Variants in CUL3 observed in about 807,000 individuals in gnomAD.
CUL3 encodes the protein cullin-3.
Under a neutral mutation model 89.1 loss-of-function variants are expected in CUL3, and 19 were observed. The ratio of observed to expected loss-of-function variants is 0.21; its 90% confidence interval spans 0.15 to 0.31. The LOEUF is 0.31. Ranked by LOEUF, CUL3 falls within the 10% of genes least tolerant of loss-of-function variation. CUL3 has a pLI of 1.00. For synonymous variants in CUL3, 351 were observed against 308.4 expected (o/e 1.14, Z -1.45); for missense variants, 469 against 942.3 (o/e 0.50, Z 6.58).
chr2:224,524,767 A>C (rs1315477414), intron 3 of CUL3, among the ~76,000 whole-genome samples: 1 of 152,148 alleles, frequency 6.6e-6, no homozygotes, highest in Non-Finnish European at 1.5e-5. Flanking sequence ...ATTTTAAAAC[A>C]CCATGCTTGC....
chr2:224,527,086 T>TA, intron 3 of CUL3, among the ~76,000 whole-genome samples: 1 of 152,188 alleles, frequency 6.6e-6, no homozygotes, highest in Middle Eastern at 3.4e-3. Flanking sequence ...CTATAAAAAT[T>TA]AGAGCACAAA....
At position 224,499,519 on chromosome 2, in the gene CUL3, T is replaced by C. The variant is rs552401948; in HGVS notation, c.1610+844A>G. On this transcript the variant is annotated intron_variant, in intron 11 of 15. Transcript: ENST00000264414. ...TGGTTTGAGGTTAACAGTTCACCAG[T>C]AGATGTTCTAGAGTAGCTCTGCTGT... 3.5e-5 allele frequency: 8 copies of C among 231,684 alleles called. 1 individual carries two copies. The South Asian group carries it at 4.8e-4, about 14-fold the overall frequency. The allele number at this position is 231,684 out of a possible 1,614,324, so 14.4% of individuals were successfully genotyped here.
intron 1 of CUL3, among the ~76,000 whole-genome samples, chr2:224,575,336 C>T (rs1695274449): frequency 6.6e-6 from 1 of 152,158 alleles, no homozygotes; most frequent in Non-Finnish European, 1.5e-5. Flanking sequence ...AAATTAGAGA[C>T]CACTGTCTTG....
At chr2:224,495,788 G>C (rs764833528) in intron 13 of CUL3, 44 bp downstream of exon 13, 1 of 1,525,004 alleles carries the variant, frequency 6.6e-7, no homozygotes, top group East Asian at 2.3e-5. Flanking sequence ...ACAAGTGAGA[G>C]TTAGAAACAA....
Position 224,585,117 on chromosome 2 carries a change from GCGACCCCC to G in CUL3, c.-116_-109del. ...GGGCGACGCTGGGGGCGGCGGCGGC[GCGACCCCC>G]GGGCAGGGCTGGGGAGCTGGCCGGC... On this transcript the variant is annotated 5_prime_UTR_variant, in exon 1 of 16. Transcript: ENST00000264414. The G allele has an allele frequency of 1.2e-6, 1 of 842,470 alleles. No individual in the cohort carries two copies. The highest frequency in any genetic ancestry group is 1.6e-6 in the Non-Finnish European group (1 of 626,506). 52.2% of individuals were successfully genotyped at this position (842,470 alleles called of 1,614,324 possible).
At chr2:224,479,007 A>G (rs576991990) in intron 14 of CUL3, 1 of 152,348 alleles carries the variant, frequency 6.6e-6, no homozygotes, top group Non-Finnish European at 1.5e-5. Context: ...GTCTTACTCT[A>G]TTCTTCCCTA....
At chr2:224,513,818 A>G (rs1204043316) in intron 4 of CUL3, among the ~76,000 whole-genome samples, 180 bp from the exon 5 acceptor site, 7 of 152,222 alleles carry the variant, frequency 4.6e-5, no homozygotes, top group Admixed American at 4.6e-4. Flanking sequence ...GTTGGAAAGC[A>G]TATCTTGACT....
chr2:224,579,474 C>A (rs1169915119), intron 1 of CUL3, among the ~76,000 whole-genome samples: 3 of 150,896 alleles, frequency 2.0e-5, no homozygotes, highest in Non-Finnish European at 4.4e-5. Flanking sequence ...ATTTCTGTAG[C>A]TCGAAGAAAA....
At chr2:224,489,839 G>A (rs961014543) in intron 13 of CUL3, among the ~76,000 whole-genome samples, 2 of 152,148 alleles carry the variant, frequency 1.3e-5, no homozygotes, top group African/African-American at 4.8e-5. Flanking sequence ...TGCAACAAAA[G>A]CCAGAATTGA....
At chr2:224,557,595 A>G (rs2106303656) in intron 2 of CUL3, 64 bp downstream of exon 2, 1 of 1,156,624 alleles carries the variant, frequency 8.6e-7, no homozygotes, top group East Asian at 2.4e-5. Flanking sequence ...TCAAAGTGCA[A>G]TATGGTATAA....
At chr2:224,584,289 C>A (rs1297639817) in intron 1 of CUL3, among the ~76,000 whole-genome samples, 1 of 151,458 alleles carries the variant, frequency 6.6e-6, no homozygotes, top group Non-Finnish European at 1.5e-5. Flanking sequence ...TTCCCCCCCA[C>A]CCGGCCTTCC....
At chr2:224,580,776 T>TA (rs1472753491) in intron 1 of CUL3, among the ~76,000 whole-genome samples, 1 of 152,172 alleles carries the variant, frequency 6.6e-6, no homozygotes, top group Non-Finnish European at 1.5e-5. Flanking sequence ...AAATATCCAG[T>TA]AAGTTCAATT....
At chr2:224,544,551 A>G (rs912192120) in intron 2 of CUL3, among the ~76,000 whole-genome samples, 4 of 152,136 alleles carry the variant, frequency 2.6e-5, no homozygotes, top group Non-Finnish European at 5.9e-5. Context: ...AATAGCATTT[A>G]AATTTCCACT....
At chr2:224,569,424 A>G (rs1325766057) in intron 1 of CUL3, among the ~76,000 whole-genome samples, 1 of 152,198 alleles carries the variant, frequency 6.6e-6, no homozygotes. Context: ...ATAATTAAGG[A>G]TTCTTAAATG....
rs1694538532 is a variant in CUL3, at chr2:224,552,190, T to C, written c.264+5469A>G. Among the ~76,000 whole-genome samples, 4 of 152,104 alleles carry C rather than the reference T, an allele frequency of 2.6e-5. No individual in the cohort carries two copies. In the South Asian group the frequency reaches 8.3e-4, roughly 32 times the overall value. ...TATATATTCTAAACGTCTTTAAATCTGAAAAGCAGAACTTTTTTCCTCCAT... is the reference window on the plus strand; with the variant it reads ...TATATATTCTAAACGTCTTTAAATCCGAAAAGCAGAACTTTTTTCCTCCAT... On this transcript the variant is annotated intron_variant, in intron 2 of 15. Coordinates refer to ENST00000264414, the MANE Select transcript of CUL3 (RefSeq NM_003590.5).
chr2:224,500,527 T>C, intron 10 of CUL3, 40 bp from the exon 11 acceptor site: 1 of 1,602,936 alleles, frequency 6.2e-7, no homozygotes, highest in Non-Finnish European at 8.5e-7. Context: ...CAAAATTAAC[T>C]AGGATTTGCT....
intron 1 of CUL3, among the ~76,000 whole-genome samples, chr2:224,581,869 G>A (rs1695448252): frequency 6.6e-6 from 1 of 151,960 alleles, no homozygotes; most frequent in Admixed American, 6.6e-5. Flanking sequence ...ATTACAGTAA[G>A]TATACATCCA....
In CUL3 at chr2:224,493,515, C is replaced by T. The variant is rs59538326; in HGVS notation, c.1842+2317G>A. Among the ~76,000 whole-genome samples, 550 of 152,296 alleles carry T rather than the reference C, an allele frequency of 3.6e-3. 20 individuals carry two copies. In the East Asian group the frequency reaches 0.087, roughly 24 times the overall value. On this transcript the variant is annotated intron_variant, in intron 13 of 15. Coordinates refer to ENST00000264414, the MANE Select transcript of CUL3 (RefSeq NM_003590.5). ...ACTACAATCAGTTTCTGCTTTGTGA[C>T]TTAGCTAAAGTTGGAAAACTTACAG...
chr2:224,500,296 T>C, intron 11 of CUL3, 67 bp downstream of exon 11: 6 of 1,555,980 alleles, frequency 3.9e-6, no homozygotes, highest in Non-Finnish European at 5.3e-6. Context: ...GATACTAATG[T>C]TCAAATTCAT....
Sources: gnomAD v4.1 joint callset for allele counts (sites outside exome capture counted in the v4.1 genomes callset) on GRCh38, gnomAD v4.1.1 for gene constraint, MANE v1.5 for transcripts, NCBI Gene and HGNC (gene_info 2026-07-23, HGNC 2026-07-21) for gene names.